CTNNA3: variants seen among roughly 807,000 people sequenced by gnomAD.
The protein encoded by CTNNA3 is catenin alpha 3.
In CTNNA3, 76 loss-of-function variants were observed where a neutral mutation model predicts 95.7. The observed-to-expected ratio is 0.79, with a 90% CI of 0.66 to 0.96. CTNNA3 has a LOEUF of 0.96. Among genes scored for constraint, CTNNA3 ranks in the 40% least tolerant of loss-of-function variants. CTNNA3 has a pLI of 0.00. For missense variants in CTNNA3, 1,191 were observed against 1,089.8 expected (o/e 1.09, Z -1.31); for synonymous variants, 431 against 374.4 (o/e 1.15, Z -1.74).
chr10:66,248,348 TA>T (rs71474035), intron 13 of CTNNA3, among the ~76,000 whole-genome samples: 13 of 144,874 alleles, frequency 9.0e-5, no homozygotes, highest in East Asian at 2.0e-4. Context: ...GAGAAAATCA[TA>T]AAAAAAAAAC....
chr10:66,208,549 A>T (rs542270549), intron 13 of CTNNA3, among the ~76,000 whole-genome samples: 2 of 151,464 alleles, frequency 1.3e-5, no homozygotes, highest in South Asian at 2.1e-4. Flanking sequence ...AATAGATTTT[A>T]AAAAAATAAA....
At chr10:66,279,057 A>G (rs2091448433) in intron 13 of CTNNA3, among the ~76,000 whole-genome samples, 1 of 152,036 alleles carries the variant, frequency 6.6e-6, no homozygotes. Context: ...TTTCTCTTTG[A>G]TATGGTAATT....
chr10:66,034,864 G>A (rs1291692483), intron 15 of CTNNA3, among the ~76,000 whole-genome samples: 1 of 151,930 alleles, frequency 6.6e-6, no homozygotes, highest in Non-Finnish European at 1.5e-5. Context: ...TAAGTGTTGT[G>A]CTTTCCATAA....
At chr10:67,522,643 T>C (rs1424063445) in intron 4 of CTNNA3, among the ~76,000 whole-genome samples, 3 of 151,706 alleles carry the variant, frequency 2.0e-5, no homozygotes, top group Non-Finnish European at 4.4e-5. Context: ...TCAGTTCTGC[T>C]GAATCAGAAT....
chr10:66,623,582 G>A (rs1844827208), intron 9 of CTNNA3, among the ~76,000 whole-genome samples: 1 of 152,002 alleles, frequency 6.6e-6, no homozygotes. Context: ...CAACACAACT[G>A]AAAGTTGTGT....
intron 10 of CTNNA3, among the ~76,000 whole-genome samples, chr10:66,591,099 C>T (rs1019658392): frequency 1.1e-4 from 16 of 152,088 alleles, no homozygotes; most frequent in African/African-American, 2.4e-4. Context: ...TCTATTGAAG[C>T]GGGAAAGAAC....
chr10:67,470,128 C>A (rs779607279), intron 5 of CTNNA3, among the ~76,000 whole-genome samples: 30 of 152,190 alleles, frequency 2.0e-4, no homozygotes, highest in Non-Finnish European at 3.7e-4. Flanking sequence ...GGTAACCGTT[C>A]TCTTGCTCTC....
In CTNNA3 at chr10:66,284,183, C is replaced by A. The variant is rs1589030098; in HGVS notation, c.1733-3562G>T. Among the ~76,000 whole-genome samples, 4 of 151,890 alleles carry A rather than the reference C, an allele frequency of 2.6e-5. No homozygotes were observed. The South Asian group carries it at 8.3e-4, about 31-fold the overall frequency. ...TCAGAACCAGTTCTGAACTCTTTTG[C>A]AGCCTATACTTTCTCTGCCTACTTT... On this transcript the variant is annotated intron_variant, in intron 12 of 17. Coordinates refer to ENST00000433211, the MANE Select transcript of CTNNA3 (RefSeq NM_013266.4).
chr10:66,574,813 T>C (rs148075719), intron 10 of CTNNA3, among the ~76,000 whole-genome samples: 2 of 152,266 alleles, frequency 1.3e-5, no homozygotes, highest in African/African-American at 4.8e-5. Flanking sequence ...GCTCATGCCA[T>C]AGCCTATGCT....
rs575545642 is a variant in CTNNA3 at position 66,328,523 on chromosome 10, T to C, written c.1733-47902A>G. 2.1e-4 allele frequency among the ~76,000 whole-genome samples: 31 copies of C among 150,958 alleles called. No individual in the cohort carries two copies. The South Asian group carries it at 6.5e-3, about 32-fold the overall frequency. ...AAAATTCTCACTTTTCCTTCTAAAATCAGTGCAGCTCAGACTTGTCCATAG... is the reference window on the plus strand; with the variant it reads ...AAAATTCTCACTTTTCCTTCTAAAACCAGTGCAGCTCAGACTTGTCCATAG... On this transcript the variant is annotated intron_variant, in intron 12 of 17. Coordinates refer to ENST00000433211, the MANE Select transcript of CTNNA3 (RefSeq NM_013266.4).
intron 5 of CTNNA3, among the ~76,000 whole-genome samples, chr10:67,460,255 G>T (rs183476058): frequency 3.2e-4 from 49 of 152,238 alleles, no homozygotes; most frequent in Non-Finnish European, 6.5e-4. Context: ...TAGGGCCACT[G>T]GTTGGACCTG....
intron 7 of CTNNA3, among the ~76,000 whole-genome samples, chr10:66,932,469 T>G (rs1276504417): frequency 2.0e-5 from 3 of 152,184 alleles, no homozygotes; most frequent in African/African-American, 7.2e-5. Flanking sequence ...TTGCTTCATC[T>G]ATTCCTTTTT....
At chr10:66,932,142 C>T (rs77899607) in intron 7 of CTNNA3, among the ~76,000 whole-genome samples, 12,401 of 152,058 alleles carry the variant, frequency 0.082, 764 homozygotes, top group Non-Finnish European at 0.13. Context: ...AACACTGGTT[C>T]TATTAGGCTC....
chr10:67,330,417 T>C (rs1207684711), intron 5 of CTNNA3, among the ~76,000 whole-genome samples: 2 of 152,152 alleles, frequency 1.3e-5, no homozygotes, highest in African/African-American at 4.8e-5. Flanking sequence ...TAAGATCTAC[T>C]CCTAGGAGCT....
chr10:65,963,156 T>G (rs1351814875), intron 17 of CTNNA3, among the ~76,000 whole-genome samples: 1 of 152,160 alleles, frequency 6.6e-6, no homozygotes, highest in Admixed American at 6.5e-5. Context: ...AACTAAGAAA[T>G]TGTTCATTAC....
chr10:66,168,367 A>T (rs1040024018), intron 13 of CTNNA3, among the ~76,000 whole-genome samples: 29 of 151,920 alleles, frequency 1.9e-4, no homozygotes, highest in Middle Eastern at 3.4e-3. Context: ...ATTTTTTTTT[A>T]AAAAAATACA....
chr10:65,983,708 C>T (rs9943449), intron 16 of CTNNA3, among the ~76,000 whole-genome samples: 4,927 of 151,064 alleles, frequency 0.033, 244 homozygotes, highest in African/African-American at 0.11. Context: ...TTTTTGAGAC[C>T]GCCATTTTGA....
chr10:65,945,160 GTA>G (rs60008851), intron 17 of CTNNA3, among the ~76,000 whole-genome samples: 5,611 of 145,736 alleles, frequency 0.039, 134 homozygotes, highest in Middle Eastern at 0.074. Context: ...GTGTGTGTGT[GTA>G]TATATATATA....
chr10:66,607,926 A>G (rs111822960), intron 10 of CTNNA3, among the ~76,000 whole-genome samples: 2 of 152,162 alleles, frequency 1.3e-5, no homozygotes, highest in South Asian at 2.1e-4. Context: ...CTTACCTAAC[A>G]TAGTATTGGA....
Sources: allele counts gnomAD v4.1 joint callset (sites outside exome capture counted in the v4.1 genomes callset), GRCh38; gene constraint gnomAD v4.1.1; transcripts MANE v1.5; gene names NCBI Gene and HGNC (gene_info 2026-07-23, HGNC 2026-07-21).